The following ZNF366 variants were observed in gnomAD, a reference collection of about 807,000 sequenced individuals.
ZNF366 encodes zinc finger protein 366.
A neutral mutation model predicts 47.2 loss-of-function variants in ZNF366; 20 were observed. That is an observed-to-expected ratio of 0.42 (90% confidence interval 0.30 to 0.62). The LOEUF is 0.62. Among genes scored for constraint, ZNF366 ranks in the 20% least tolerant of loss-of-function variants. The pLI is 0.16. For synonymous variants in ZNF366, 421 were observed against 395.1 expected (o/e 1.07, Z -0.78); for missense variants, 987 against 976.3 (o/e 1.01, Z -0.15).
chr5:72,493,114 T>C (rs1037686287), intron 1 of ZNF366, among the ~76,000 whole-genome samples: 5 of 152,234 alleles, frequency 3.3e-5, no homozygotes, highest in Non-Finnish European at 5.9e-5. Flanking sequence ...AAATTATATA[T>C]ATAGAACTGC....
chr5:72,491,641 C>A (rs761219398), intron 1 of ZNF366, among the ~76,000 whole-genome samples: 6 of 152,084 alleles, frequency 3.9e-5, no homozygotes, highest in Non-Finnish European at 8.8e-5. Flanking sequence ...ATTAAAGCAC[C>A]TGATACCAGA....
chr5:72,451,286 C>T (rs753533904), intron 3 of ZNF366, among the ~76,000 whole-genome samples: 2 of 152,272 alleles, frequency 1.3e-5, no homozygotes, highest in Non-Finnish European at 2.9e-5. Context: ...CATGAAATCT[C>T]AGCTTCTCCA....
At chr5:72,447,754 AT>A (rs560709963) in intron 3 of ZNF366, among the ~76,000 whole-genome samples, 2 of 152,226 alleles carry the variant, frequency 1.3e-5, no homozygotes, top group Non-Finnish European at 2.9e-5. Context: ...TAAGAATGTG[AT>A]TATGTGTTTA....
intron 4 of ZNF366, 76 bp downstream of exon 4, chr5:72,447,167 T>C (rs978739118): frequency 4.6e-5 from 71 of 1,530,672 alleles, no homozygotes; most frequent in Non-Finnish European, 5.8e-5. Context: ...CTCAAGGTAA[T>C]GCCCCATAAA....
intron 1 of ZNF366, among the ~76,000 whole-genome samples, chr5:72,499,990 T>C (rs1744182771): frequency 6.6e-6 from 1 of 152,186 alleles, no homozygotes. Context: ...CCTCTTGATT[T>C]CTGTTCCAAG....
chr5:72,447,314 G>A lies in ZNF366; in HGVS notation c.1628C>T (p.Thr543Ile). 9 of 1,614,198 alleles carry A rather than the reference G, an allele frequency of 5.6e-6. No individual in the cohort carries two copies. Among genetic ancestry groups the A allele is most frequent in the Non-Finnish European group, 6.8e-6 (8 of 1,180,038 alleles). ...GTGGCGTGTCAGGTTCCCCTTCAGG[G>A]TGAATTTGCTTGGGCAATAGAGGCA... Reference protein sequence around the residue: ...FKCLYCPSKFTLKGNLTRHMK... With the variant: ...FKCLYCPSKFILKGNLTRHMK... The change falls in exon 4 of 5, where the codon ACC becomes ATC. Residue 543 changes from threonine (T) to isoleucine (I), a missense_variant. Thr to Ile is a moderately conservative substitution (Grantham distance 89). This residue lies in a region of ZNF366 where 111 missense variants were observed against 180.5 expected (regional missense o/e 0.61). Transcript: ENST00000318442.
intron 1 of ZNF366, among the ~76,000 whole-genome samples, chr5:72,504,316 C>T (rs1744277266): frequency 6.6e-6 from 1 of 152,160 alleles, no homozygotes; most frequent in African/African-American, 2.4e-5. Flanking sequence ...CAGCCCTCCA[C>T]AACCAGGGAA....
intron 1 of ZNF366, among the ~76,000 whole-genome samples, chr5:72,491,220 G>A (rs1744001892): frequency 6.6e-6 from 1 of 152,246 alleles, no homozygotes; most frequent in Admixed American, 6.5e-5. Context: ...CAAAAGGGGT[G>A]TACGTGGCCA....
At chr5:72,469,318 C>T (rs923660338) in intron 1 of ZNF366, among the ~76,000 whole-genome samples, 9 of 151,062 alleles carry the variant, frequency 6.0e-5, no homozygotes, top group South Asian at 4.2e-4. Flanking sequence ...TTTAAAGAAC[C>T]GAAGGAATGA....
chr5:72,494,605 A>ATTTTTT (rs57920640), intron 1 of ZNF366, among the ~76,000 whole-genome samples: 1 of 137,332 alleles, frequency 7.3e-6, no homozygotes. Flanking sequence ...GCTGTCAGAG[A>ATTTTTT]TTTTTTTTTT....
intron 3 of ZNF366, among the ~76,000 whole-genome samples, chr5:72,448,952 G>T (rs1743009669): frequency 1.3e-5 from 2 of 152,116 alleles, no homozygotes; most frequent in Admixed American, 6.5e-5. Context: ...TCTCTTACTA[G>T]CATGAATGAA....
chr5:72,447,530 G>T lies in ZNF366; in HGVS notation c.1525-113C>A, dbSNP rs1200523223. 3.9e-6 allele frequency: 5 copies of T among 1,271,220 alleles called. No individual in the cohort carries two copies. In the East Asian group the frequency reaches 1.2e-4, roughly 30 times the overall value. The allele number at this position is 1,271,220 out of a possible 1,614,324, so 78.7% of individuals were successfully genotyped here. On this transcript the variant is annotated intron_variant, in intron 3 of 4. Transcript: ENST00000318442. ...TGTTTGGACATTGACATTTTAATCT[G>T]CTTGCAAGGAAAATGTCCATAAGGA... is the stretch of plus-strand genomic sequence containing the variant.
intron 1 of ZNF366, among the ~76,000 whole-genome samples, chr5:72,493,259 G>C (rs569222084): frequency 2.6e-5 from 4 of 152,304 alleles, no homozygotes; most frequent in Non-Finnish European, 4.4e-5. Context: ...TATGTGACAA[G>C]AATGTGCTAA....
chr5:72,500,251 T>C (rs1261483333), intron 1 of ZNF366, among the ~76,000 whole-genome samples: 2 of 152,178 alleles, frequency 1.3e-5, no homozygotes, highest in Non-Finnish European at 2.9e-5. Context: ...GGTGCCCTAA[T>C]GTGTGCACTA....
intron 1 of ZNF366, among the ~76,000 whole-genome samples, chr5:72,494,555 A>G (rs1478618035): frequency 6.6e-6 from 1 of 151,952 alleles, no homozygotes; most frequent in Non-Finnish European, 1.5e-5. Flanking sequence ...GGAGTCTGCT[A>G]TCACCTTATA....
At position 72,478,274 on chromosome 5, in the gene ZNF366, C is replaced by T. The variant is rs1743716981; in HGVS notation, c.-14-16764G>A. Among the ~76,000 whole-genome samples the T allele has an allele frequency of 2.9e-5, 3 of 104,736 alleles. No individual in the cohort carries two copies. In the South Asian group the frequency reaches 1.2e-3, roughly 43 times the overall value. 68.7% of individuals were successfully genotyped at this position (104,736 alleles called of 152,430 possible). On this transcript the variant is annotated intron_variant, in intron 1 of 4. Coordinates refer to ENST00000318442, the MANE Select transcript of ZNF366 (RefSeq NM_152625.3). ...TTCTTCAGTGTCTTGATATACCACC[C>T]CTTCTATGCAGGTTTCAAGCTGGCA...
At chr5:72,453,815 G>A (rs927070913) in intron 3 of ZNF366, among the ~76,000 whole-genome samples, 1 of 152,196 alleles carries the variant, frequency 6.6e-6, no homozygotes, top group Non-Finnish European at 1.5e-5. Flanking sequence ...GAGTCAAGGT[G>A]GCTGACACTC....
intron 1 of ZNF366, among the ~76,000 whole-genome samples, chr5:72,462,739 C>T (rs181282341): frequency 2.6e-5 from 4 of 151,860 alleles, no homozygotes; most frequent in African/African-American, 4.8e-5. Flanking sequence ...TTAGTAGAGA[C>T]GGGGTTTCAC....
At chr5:72,477,153 A>T (rs1394785156) in intron 1 of ZNF366, among the ~76,000 whole-genome samples, 1 of 152,232 alleles carries the variant, frequency 6.6e-6, no homozygotes, top group Non-Finnish European at 1.5e-5. Flanking sequence ...AACTAAATGC[A>T]AAATCTTCCC....
Sources: allele counts gnomAD v4.1 joint callset (sites outside exome capture counted in the v4.1 genomes callset), GRCh38; gene constraint gnomAD v4.1.1; regional missense constraint gnomAD v4.1.1; transcripts MANE v1.5; gene names NCBI Gene and HGNC (gene_info 2026-07-23, HGNC 2026-07-21).